NRXN1: variants seen among roughly 807,000 people sequenced by gnomAD.
NRXN1 encodes neurexin 1.
Under a neutral mutation model 150.9 loss-of-function variants are expected in NRXN1, and 39 were observed. The ratio of observed to expected loss-of-function variants is 0.26; its 90% CI spans 0.20 to 0.34. The LOEUF (loss-of-function observed/expected upper bound fraction) is 0.34. NRXN1 is among the 10% of genes least tolerant of loss of function. The probability of loss-of-function intolerance (pLI) is 1.00; values close to 1 mark genes in which losing one functional copy is unlikely to be tolerated. For synonymous variants in NRXN1, 924 were observed against 757.0 expected (o/e 1.22, Z -3.62); for missense variants, 1,815 against 1,949.9 (o/e 0.93, Z 1.30).
intron 5 of NRXN1, among the ~76,000 whole-genome samples, chr2:50,744,682 G>C (rs1699811073): frequency 6.6e-6 from 1 of 152,074 alleles, no homozygotes; most frequent in Non-Finnish European, 1.5e-5. Context: ...TCCAAGTAGA[G>C]AGATATTACC....
At chr2:50,150,741 C>T (rs1020891856) in intron 18 of NRXN1, among the ~76,000 whole-genome samples, 2 of 151,726 alleles carry the variant, frequency 1.3e-5, no homozygotes, top group Non-Finnish European at 2.9e-5. Flanking sequence ...TTTACAGGAA[C>T]ATGATGCTTC....
chr2:50,788,868 G>A (rs1031704190), intron 5 of NRXN1, among the ~76,000 whole-genome samples: 1 of 152,138 alleles, frequency 6.6e-6, no homozygotes, highest in East Asian at 1.9e-4. Flanking sequence ...ACTATGATAA[G>A]GGTAACCGAG....
intron 17 of NRXN1, among the ~76,000 whole-genome samples, chr2:50,412,404 A>G (rs961404032): frequency 1.3e-5 from 2 of 152,046 alleles, no homozygotes; most frequent in African/African-American, 4.8e-5. Context: ...ATACATATTC[A>G]TAAGTATGTA....
In NRXN1 at chr2:50,347,259, G is replaced by T. The variant is rs201460709; in HGVS notation, c.3365-110289C>A. ...TGCTCCCAGATTTCCAGGGCTCCAG[G>T]TTCTCGAGAGATACTCCCAAAGAGT... On this transcript the variant is annotated intron_variant, in intron 17 of 22. Coordinates refer to ENST00000401669, the MANE Select transcript of NRXN1 (RefSeq NM_001330078.2). The surrounding 1 kb of genome is among the most constrained non-coding windows in gnomAD (Gnocchi z 4.9). 7.6e-7 allele frequency: 1 copy of T among 1,316,772 alleles called. No individual in the cohort carries two copies. Among genetic ancestry groups the T allele is most frequent in the East Asian group, 5.3e-5 (1 of 18,928 alleles). The allele number at this position is 1,316,772 out of a possible 1,614,324, so 81.6% of individuals were successfully genotyped here.
intron 5 of NRXN1, among the ~76,000 whole-genome samples, chr2:50,866,586 C>T (rs1195177422): frequency 6.6e-6 from 1 of 151,896 alleles, no homozygotes; most frequent in African/African-American, 2.4e-5. Flanking sequence ...CTTCTTACTT[C>T]ACAAAACAGA....
intron 8 of NRXN1, among the ~76,000 whole-genome samples, chr2:50,588,069 T>C (rs1413320375): frequency 1.3e-5 from 2 of 152,212 alleles, no homozygotes; most frequent in Non-Finnish European, 2.9e-5. Context: ...TGACTGCAAT[T>C]GAGTTAGAGC....
chr2:49,934,752 T>G (rs2104259327), intron 22 of NRXN1, among the ~76,000 whole-genome samples: 1 of 152,154 alleles, frequency 6.6e-6, no homozygotes, highest in Admixed American at 6.5e-5. Context: ...AGCAGGAAAG[T>G]TAATCATTTC....
intron 5 of NRXN1, among the ~76,000 whole-genome samples, chr2:50,735,251 T>C (rs922272165): frequency 2.0e-5 from 3 of 152,118 alleles, no homozygotes; most frequent in African/African-American, 7.2e-5. Context: ...CAAATCAATA[T>C]TTACATATTT....
chr2:50,274,564 T>G (rs924056965), intron 17 of NRXN1, among the ~76,000 whole-genome samples: 7 of 151,746 alleles, frequency 4.6e-5, no homozygotes, highest in African/African-American at 1.5e-4. Flanking sequence ...GAGTATAATT[T>G]AAAAAAAGAG....
intron 2 of NRXN1, among the ~76,000 whole-genome samples, chr2:50,930,355 T>C (rs1323932978): frequency 6.6e-6 from 1 of 152,010 alleles, no homozygotes; most frequent in Non-Finnish European, 1.5e-5. Context: ...AAATGTTCTA[T>C]CTTGTTAATG....
At chr2:50,785,588 T>C (rs184591809) in intron 5 of NRXN1, among the ~76,000 whole-genome samples, 3 of 152,268 alleles carry the variant, frequency 2.0e-5, no homozygotes, top group Admixed American at 2.0e-4. Flanking sequence ...GGTGATACTT[T>C]GTTATGGCAG....
At chr2:50,982,854 C>A (rs1334841498) in intron 2 of NRXN1, among the ~76,000 whole-genome samples, 1 of 152,014 alleles carries the variant, frequency 6.6e-6, no homozygotes. Flanking sequence ...CCTTTCCATT[C>A]CAATAACTCT....
chr2:50,783,745 T>C (rs1268314144), intron 5 of NRXN1, among the ~76,000 whole-genome samples: 1 of 152,152 alleles, frequency 6.6e-6, no homozygotes, highest in Non-Finnish European at 1.5e-5. Flanking sequence ...AACATAGTGC[T>C]ACTTTTCCAA....
At chr2:50,819,516 G>A (rs948242941) in intron 5 of NRXN1, among the ~76,000 whole-genome samples, 4 of 151,944 alleles carry the variant, frequency 2.6e-5, no homozygotes, top group Non-Finnish European at 5.9e-5. Context: ...AGCTGACAGG[G>A]GATAATAGGG....
intron 17 of NRXN1, among the ~76,000 whole-genome samples, chr2:50,382,634 G>C (rs1340822201): frequency 6.6e-6 from 1 of 152,112 alleles, no homozygotes; most frequent in Non-Finnish European, 1.5e-5. Flanking sequence ...TCCTGGACTG[G>C]CATTATTTCT....
At chr2:50,248,802 G>A (rs1016794414) in intron 17 of NRXN1, among the ~76,000 whole-genome samples, 1 of 151,992 alleles carries the variant, frequency 6.6e-6, no homozygotes, top group East Asian at 1.9e-4. Context: ...CCTAAGTTTG[G>A]AATCTAAGAG....
chr2:50,221,242 C>A (rs527899230), intron 18 of NRXN1, among the ~76,000 whole-genome samples: 3 of 152,066 alleles, frequency 2.0e-5, no homozygotes, highest in East Asian at 1.9e-4. Flanking sequence ...TCAAAACACA[C>A]TGAAATCTGG....
intron 18 of NRXN1, among the ~76,000 whole-genome samples, chr2:50,200,938 G>C (rs953057309): frequency 6.6e-6 from 1 of 152,018 alleles, no homozygotes; most frequent in Non-Finnish European, 1.5e-5. Context: ...TGCCCAAAAA[G>C]TGAAGCTATA....
chr2:50,710,110 C>T lies in NRXN1; in HGVS notation c.833-86495G>A, dbSNP rs111507468. ...AAGGTTGAGAGCAGATAAAATTGTTCGCTTGCAACTTTACATTGTGGGTGA... is the reference window on the plus strand; with the variant it reads ...AAGGTTGAGAGCAGATAAAATTGTTTGCTTGCAACTTTACATTGTGGGTGA... On this transcript the variant is annotated intron_variant, in intron 5 of 22. Transcript: ENST00000401669. Among the ~76,000 whole-genome samples, 10 of 152,170 alleles carry T rather than the reference C, an allele frequency of 6.6e-5. No individual in the cohort carries two copies. In the East Asian group the frequency reaches 7.7e-4, roughly 12 times the overall value.
Sources: gnomAD v4.1 joint callset for allele counts (sites outside exome capture counted in the v4.1 genomes callset) on GRCh38, gnomAD v4.1.1 for gene constraint, Gnocchi (gnomAD v3.1) non-coding constraint, MANE v1.5 for transcripts, NCBI Gene and HGNC (gene_info 2026-07-23, HGNC 2026-07-21) for gene names.